The following COA1 variants were observed in gnomAD, a reference collection of about 807,000 sequenced individuals.
COA1 encodes cytochrome c oxidase assembly factor 1 homolog.
Under a neutral mutation model 16.0 loss-of-function variants are expected in COA1, and 13 were observed. The ratio of observed to expected loss-of-function variants is 0.81; its 90% confidence interval spans 0.53 to 1.29. The LOEUF (loss-of-function observed/expected upper bound fraction) is 1.29, where lower values mean the gene tolerates loss of function less well. COA1 is among the 50% of genes most tolerant of loss of function. COA1 has a pLI of 0.00. For missense variants in COA1, 179 were observed against 177.0 expected, an observed-to-expected ratio of 1.01 and a Z score of -0.06; for synonymous variants, 65 against 65.7, an observed-to-expected ratio of 0.99 and a Z score of 0.05.
At chr7:43,682,686 T>C (rs1686412042) in intron 1 of COA1, among the ~76,000 whole-genome samples, 2 of 152,250 alleles carry the variant, frequency 1.3e-5, no homozygotes, top group Admixed American at 1.3e-4. Flanking sequence ...TTCTACTCTA[T>C]CGAGTAAACA....
At chr7:43,679,261 TTG>T (rs2093660958) in intron 1 of COA1, among the ~76,000 whole-genome samples, 1 of 31,930 alleles carries the variant, frequency 3.1e-5, no homozygotes, top group Admixed American at 5.0e-4. Flanking sequence ...CTAAACTCCA[TTG>T]CAAAAAAAAA....
intron 1 of COA1, among the ~76,000 whole-genome samples, chr7:43,717,227 C>T (rs1218606061): frequency 6.6e-6 from 1 of 152,166 alleles, no homozygotes; most frequent in Non-Finnish European, 1.5e-5. Flanking sequence ...TTGCACCATC[C>T]ACCTGGAAAA....
intron 1 of COA1, among the ~76,000 whole-genome samples, chr7:43,709,940 A>G (rs146018649): frequency 1.6e-3 from 243 of 152,368 alleles, no homozygotes; most frequent in African/African-American, 5.6e-3. Context: ...CAAAGTGCAC[A>G]CTTTTTCACT....
chr7:43,702,586 T>C (rs1185065564), intron 1 of COA1, among the ~76,000 whole-genome samples: 1 of 152,172 alleles, frequency 6.6e-6, no homozygotes, highest in African/African-American at 2.4e-5. Context: ...TTGGGTTCAA[T>C]CTTGGGGGGT....
At chr7:43,719,797 A>T (rs538008530) in intron 1 of COA1, among the ~76,000 whole-genome samples, 1 of 152,152 alleles carries the variant, frequency 6.6e-6, no homozygotes, top group Non-Finnish European at 1.5e-5. Context: ...GTTTCCTTGA[A>T]TCTATTCTCC....
chr7:43,679,131 G>A (rs1311107765), intron 1 of COA1, among the ~76,000 whole-genome samples: 1 of 152,082 alleles, frequency 6.6e-6, no homozygotes, highest in Non-Finnish European at 1.5e-5. Flanking sequence ...GCTGGGCATG[G>A]TGGCGTGCGC....
intron 1 of COA1, among the ~76,000 whole-genome samples, chr7:43,717,893 T>C (rs1356942959): frequency 1.3e-5 from 2 of 152,210 alleles, no homozygotes; most frequent in Admixed American, 6.5e-5. Flanking sequence ...CCACTTTGCA[T>C]CTTTCTCATT....
chr7:43,708,674 T>A (rs2095094529), intron 1 of COA1, among the ~76,000 whole-genome samples: 1 of 152,222 alleles, frequency 6.6e-6, no homozygotes, highest in South Asian at 2.1e-4. Context: ...TGTTCAAGTC[T>A]CTTACCCATT....
intron 6 of COA1, among the ~76,000 whole-genome samples, chr7:43,610,104 T>TAAAA (rs2082716015): frequency 6.6e-6 from 1 of 152,128 alleles, no homozygotes; most frequent in Non-Finnish European, 1.5e-5. Context: ...CCCAGCACTT[T>TAAAA]GGGAGGCCGA....
chr7:43,647,698 G>C, intron 2 of COA1, 64 bp from the exon 3 acceptor site: 1 of 1,224,500 alleles, frequency 8.2e-7, no homozygotes, highest in Non-Finnish European at 1.2e-6. Context: ...GGATTTGCCC[G>C]GCTTGGACCC....
chr7:43,691,477 G>GAAAGAAAT (rs1170433873), intron 1 of COA1, among the ~76,000 whole-genome samples: 8 of 131,626 alleles, frequency 6.1e-5, no homozygotes, highest in South Asian at 2.4e-4. Context: ...AAGAAAGAAA[G>GAAAGAAAT]AAATTATCAT....
At chr7:43,638,112 ACTGTATAAT>A (rs1314660016), downstream of COA1, among the ~76,000 whole-genome samples, 2 of 152,230 alleles carry the variant, frequency 1.3e-5, no homozygotes, top group Non-Finnish European at 2.9e-5. Context: ...GACACTTTTC[ACTGTATAAT>A]CTACTCAAAG....
chr7:43,623,980 C>A, intron 6 of COA1: 1 of 915,172 alleles, frequency 1.1e-6, no homozygotes, highest in Non-Finnish European at 1.5e-6. Flanking sequence ...TGAATCTCCT[C>A]CAACCAAAAA....
chr7:43,650,783 A>G (rs1331400414), intron 1 of COA1: 1 of 151,124 alleles, frequency 6.6e-6, no homozygotes, highest in African/African-American at 2.4e-5. Context: ...ATAACATCCA[A>G]CTCTGAAAGC....
Position 43,639,303 on chromosome 7 carries a change from C to CT in COA1, c.*278dup, listed in dbSNP as rs1003838577. 3 of 235,708 alleles carry CT rather than the reference C, an allele frequency of 1.3e-5. No homozygotes were observed. Among genetic ancestry groups the CT allele is most frequent in the African/African-American group, 6.8e-5 (3 of 44,244 alleles). 14.6% of individuals were successfully genotyped at this position (235,708 alleles called of 1,614,324 possible). ...TAATTCTGATTCCTTTTATCATGTGCTTTTTTATACAAAGCACTTTCAAAT... is the reference window on the plus strand; with the variant it reads ...TAATTCTGATTCCTTTTATCATGTGCTTTTTTTATACAAAGCACTTTCAAAT... On this transcript the variant is annotated 3_prime_UTR_variant, in exon 6 of 6. Coordinates refer to ENST00000223336, the MANE Select transcript of COA1 (RefSeq NM_018224.4).
At chr7:43,670,602 G>C (rs975811862) in intron 1 of COA1, among the ~76,000 whole-genome samples, 1 of 152,086 alleles carries the variant, frequency 6.6e-6, no homozygotes. Flanking sequence ...TAGCCTAGTC[G>C]GGTAGATTAC....
At chr7:43,655,495 T>C (rs2091571685) in intron 1 of COA1, among the ~76,000 whole-genome samples, 5 of 152,136 alleles carry the variant, frequency 3.3e-5, no homozygotes, top group Middle Eastern at 6.8e-3. Context: ...CTACTAAAAA[T>C]ATAACATCAA....
At chr7:43,668,924 T>C (rs1320264401) in intron 1 of COA1, among the ~76,000 whole-genome samples, 1 of 152,230 alleles carries the variant, frequency 6.6e-6, no homozygotes, top group Non-Finnish European at 1.5e-5. Context: ...ACCTTCTAAC[T>C]GAAATATTGG....
intron 1 of COA1, among the ~76,000 whole-genome samples, chr7:43,660,894 G>C (rs1292951698): frequency 6.6e-6 from 1 of 152,068 alleles, no homozygotes; most frequent in African/African-American, 2.4e-5. Context: ...ATCCTATTCA[G>C]AATAAAATCT....
Sources: gnomAD v4.1 joint callset for allele counts (sites outside exome capture counted in the v4.1 genomes callset) on GRCh38, gnomAD v4.1.1 for gene constraint, MANE v1.5 for transcripts, NCBI Gene and HGNC (gene_info 2026-07-23, HGNC 2026-07-21) for gene names.